Variants in C10orf71 observed in about 807,000 individuals in gnomAD.
C10orf71 encodes cardiac-enriched FHL2-interacting protein.
For synonymous variants in C10orf71, 758 were observed against 726.3 expected, an observed-to-expected ratio of 1.04 and a Z score of -0.70; for missense variants, 1,869 against 1,804.5, an observed-to-expected ratio of 1.04 and a Z score of -0.65.
At chr10:49,311,016 C>T (rs182499048) in intron 1 of C10orf71, among the ~76,000 whole-genome samples, 114 of 152,196 alleles carry the variant, frequency 7.5e-4, no homozygotes, top group Admixed American at 3.0e-3. Flanking sequence ...CCCGACCATG[C>T]CAGACCACCA....
chr10:49,306,486 C>T (rs1251072324), intron 1 of C10orf71, among the ~76,000 whole-genome samples: 2 of 152,218 alleles, frequency 1.3e-5, no homozygotes, highest in Non-Finnish European at 2.9e-5. Flanking sequence ...TTTCCAGAAT[C>T]CAGGGCAAGA....
Position 49,326,231 on chromosome 10 carries a change from G to C in C10orf71, c.3686G>C (p.Arg1229Pro). The change falls in exon 3 of 3, where the codon CGA becomes CCA. Residue 1229 changes from arginine (R) to proline (P), a missense_variant. Arg to Pro is a moderately radical substitution (Grantham distance 103, BLOSUM62 -2). Coordinates refer to ENST00000374144, the MANE Select transcript of C10orf71 (RefSeq NM_001135196.2). Reference sequence around the variant, plus strand: ...CCGCTGTGCCCCAGAGAGAGGCCCCGACACAATTTCCCCGTGGTCCGTTCC... The same window carrying C: ...CCGCTGTGCCCCAGAGAGAGGCCCCCACACAATTTCCCCGTGGTCCGTTCC... ...QRPLCPRERP[R>P]HNFPVVRSLP... 2.6e-6 allele frequency: 4 copies of C among 1,550,766 alleles called. No individual in the cohort carries two copies. The highest frequency in any genetic ancestry group is 3.5e-6 in the Non-Finnish European group (4 of 1,146,950).
intron 1 of C10orf71, among the ~76,000 whole-genome samples, chr10:49,310,654 G>A (rs1270822248): frequency 6.6e-6 from 1 of 152,096 alleles, no homozygotes; most frequent in African/African-American, 2.4e-5. Context: ...TGAACTACAG[G>A]GTGATGCATA....
chr10:49,314,413 T>C (rs1474204148), intron 1 of C10orf71, among the ~76,000 whole-genome samples: 1 of 152,246 alleles, frequency 6.6e-6, no homozygotes, highest in Non-Finnish European at 1.5e-5. Flanking sequence ...ACACACCTTT[T>C]CACTGGCAAA....
upstream of C10orf71, among the ~76,000 whole-genome samples, chr10:49,297,193 C>A (rs1193230025): frequency 6.6e-6 from 1 of 152,208 alleles, no homozygotes; most frequent in Non-Finnish European, 1.5e-5. Flanking sequence ...GGGAGGAAAG[C>A]AAATTAGGAA....
chr10:49,324,879 G>A lies in C10orf71; in HGVS notation c.2334G>A (p.Glu778=), dbSNP rs1413963628. The change falls in exon 3 of 3, where the codon GAG becomes GAA. Residue 778 remains glutamate (E), a synonymous_variant. Transcript: ENST00000374144. ...DEKENVMRKD[E]LQYCALSNGH... ...AGGAGAATGTGATGCGGAAGGATGAGCTGCAGTACTGTGCCTTAAGCAATG... is the reference window on the plus strand; with the variant it reads ...AGGAGAATGTGATGCGGAAGGATGAACTGCAGTACTGTGCCTTAAGCAATG... 6.4e-7 allele frequency: 1 copy of A among 1,551,774 alleles called. No homozygotes were observed. Among genetic ancestry groups the A allele is most frequent in the South Asian group, 1.2e-5 (1 of 84,046 alleles).
chr10:49,297,589 C>T (rs527282073), upstream of C10orf71, among the ~76,000 whole-genome samples: 13 of 152,266 alleles, frequency 8.5e-5, no homozygotes, highest in South Asian at 1.9e-3. Context: ...TTGCAATAGA[C>T]GAGCATATTC....
intron 1 of C10orf71, among the ~76,000 whole-genome samples, chr10:49,304,031 C>T (rs1848771679): frequency 6.6e-6 from 1 of 152,220 alleles, no homozygotes; most frequent in African/African-American, 2.4e-5. Context: ...TCCCCTTCTC[C>T]TTATCCCAGA....
chr10:49,325,710 T>C lies in C10orf71; in HGVS notation c.3165T>C (p.Asn1055=), dbSNP rs532189362. The stretch of plus-strand genomic sequence containing the variant: ...GACTGGTCCCCAGTGAGAGGGCGAA[T>C]TCCCCCAACCCCGGCTCCCCCGGGG... ...GRRLVPSERA[N]SPNPGSPGES... The change falls in exon 3 of 3, where the codon AAT becomes AAC. Residue 1055 remains asparagine (N), a synonymous_variant. Coordinates refer to ENST00000374144, the MANE Select transcript of C10orf71 (RefSeq NM_001135196.2). 1.9e-4 allele frequency: 301 copies of C among 1,551,696 alleles called. 3 individuals are homozygous for C. Among genetic ancestry groups the C allele is most frequent in the South Asian group, 1.7e-3 (142 of 84,056 alleles).
chr10:49,305,692 T>C (rs1848800813), intron 1 of C10orf71, among the ~76,000 whole-genome samples: 1 of 152,174 alleles, frequency 6.6e-6, no homozygotes, highest in African/African-American at 2.4e-5. Context: ...TCTCCTCCCC[T>C]CCCCAAGTGA....
At chr10:49,305,514 C>A (rs1848797359) in intron 1 of C10orf71, among the ~76,000 whole-genome samples, 1 of 152,198 alleles carries the variant, frequency 6.6e-6, no homozygotes, top group African/African-American at 2.4e-5. Flanking sequence ...ACCAGGTGCT[C>A]ATTACCCACT....
chr10:49,315,244 A>G (rs1161909314), intron 1 of C10orf71, among the ~76,000 whole-genome samples: 1 of 152,250 alleles, frequency 6.6e-6, no homozygotes, highest in Non-Finnish European at 1.5e-5. Context: ...ACCTTGAACT[A>G]GATTAATATC....
Position 49,323,002 on chromosome 10 carries a change from A to T in C10orf71, c.457A>T (p.Thr153Ser), listed in dbSNP as rs767107080. The change falls in exon 3 of 3, where the codon ACC becomes TCC. Residue 153 changes from threonine to serine, a missense_variant. Physicochemically the swap from Thr to Ser is moderately conservative, Grantham distance 58 (BLOSUM62 1). Transcript: ENST00000374144. ...VSTLIKSFDR[T>S]ESQRCESRPT... ...AACACTAATTAAATCTTTCGACAGG[A>T]CCGAGAGCCAACGTTGTGAGAGCAG... is the stretch of plus-strand genomic sequence containing the variant. 4 of 1,613,922 alleles carry T rather than the reference A, an allele frequency of 2.5e-6. No homozygotes were observed. In the African/African-American group the frequency reaches 4.0e-5, roughly 16 times the overall value.
intron 1 of C10orf71, among the ~76,000 whole-genome samples, chr10:49,300,565 C>A (rs1008273911): frequency 1.3e-4 from 20 of 152,038 alleles, no homozygotes; most frequent in Admixed American, 1.3e-4. Context: ...CCTCCTGCAC[C>A]TTCCAGGGCC....
intron 1 of C10orf71, among the ~76,000 whole-genome samples, chr10:49,309,565 A>G (rs990904688): frequency 2.0e-5 from 3 of 152,226 alleles, no homozygotes; most frequent in African/African-American, 7.2e-5. Context: ...CTCCTCATAA[A>G]GCATAGACCA....
Position 49,326,305 on chromosome 10 carries a change from G to A in C10orf71, c.3760G>A (p.Val1254Ile), listed in dbSNP as rs11101095. ...CTCCGTGTCCGGCTTCTCGGAGCCT[G>A]TCGGGAGGCGGCCCGGGGGCCCCCA... is the stretch of plus-strand genomic sequence containing the variant. ...RHSVSGFSEP[V>I]GRRPGGPQSL... Residue 1254 changes from valine (V) to isoleucine (I), a missense_variant, in exon 3 of 3, where the codon GTC (valine) becomes ATC (isoleucine). Physicochemically the swap from Val to Ile is conservative, Grantham distance 29 (BLOSUM62 3). Coordinates refer to ENST00000374144, the MANE Select transcript of C10orf71 (RefSeq NM_001135196.2). The A allele has an allele frequency of 0.12, 188,116 of 1,549,672 alleles. 12,089 individuals carry two copies. Among genetic ancestry groups the A allele is most frequent in the South Asian group, 0.15 (12,911 of 83,952 alleles).
chr10:49,322,960 C>A lies in C10orf71; in HGVS notation c.415C>A (p.Pro139Thr). ...TTCCGGCCTAAGGAGCAGCAATAAG[C>A]CTGTCTCCAAAGTATCAACACTAAT... ...PVSGLRSSNK[P>T]VSKVSTLIKS... Residue 139 changes from proline (P) to threonine (T), a missense_variant, in exon 3 of 3, where the codon CCT becomes ACT. Pro to Thr is a conservative substitution (Grantham distance 38). Coordinates refer to ENST00000374144, the MANE Select transcript of C10orf71 (RefSeq NM_001135196.2). 6.2e-7 allele frequency: 1 copy of A among 1,614,008 alleles called. No homozygotes were observed. The highest frequency in any genetic ancestry group is 8.5e-7 in the Non-Finnish European group (1 of 1,179,894).
Position 49,327,161 on chromosome 10 carries a change from G to T in C10orf71, c.*308G>T. On this transcript the variant is annotated 3_prime_UTR_variant, in exon 3 of 3. Transcript: ENST00000374144. ...CCCTCCCTCCCTTCCTCCCTCTCCT[G>T]GCCCACCCTGCTCTTCCCTCGCCCT... is the stretch of plus-strand genomic sequence containing the variant. The T allele has an allele frequency of 1.2e-6, 1 of 814,238 alleles. No individual in the cohort carries two copies. Among genetic ancestry groups the T allele is most frequent in the Admixed American group, 3.3e-5 (1 of 30,580 alleles). 50.4% of individuals were successfully genotyped at this position (814,238 alleles called of 1,614,324 possible).
intron 1 of C10orf71, among the ~76,000 whole-genome samples, chr10:49,306,113 C>G (rs988935267): frequency 6.6e-6 from 1 of 152,224 alleles, no homozygotes; most frequent in Non-Finnish European, 1.5e-5. Flanking sequence ...CCCTGTCGAC[C>G]TGGCAGGTGA....
Sources: gnomAD v4.1 joint callset for allele counts (sites outside exome capture counted in the v4.1 genomes callset) on GRCh38, gnomAD v4.1.1 for gene constraint, MANE v1.5 for transcripts, NCBI Gene and HGNC (gene_info 2026-07-23, HGNC 2026-07-21) for gene names.